CTNNA2: variants seen among roughly 807,000 people sequenced by gnomAD.
CTNNA2 encodes catenin alpha 2, also known as catenin alpha-2.
In CTNNA2, 42 loss-of-function variants were observed where a neutral mutation model predicts 101.0. That is an observed-to-expected ratio of 0.42 (90% CI 0.32 to 0.54). The LOEUF (loss-of-function observed/expected upper bound fraction) is 0.54. CTNNA2 is among the 20% of genes least tolerant of loss of function. The probability of loss-of-function intolerance (pLI) is 0.14; values close to 1 mark genes in which losing one functional copy is unlikely to be tolerated. For synonymous variants in CTNNA2, 450 were observed against 456.4 expected, an observed-to-expected ratio of 0.99 and a Z score of 0.18; for missense variants, 871 against 1,223.1, an observed-to-expected ratio of 0.71 and a Z score of 4.29.
chr2:79,750,731 G>A (rs1397934970), intron 3 of CTNNA2, among the ~76,000 whole-genome samples: 1 of 151,954 alleles, frequency 6.6e-6, no homozygotes, highest in Non-Finnish European at 1.5e-5. Flanking sequence ...CACAACCAGG[G>A]GTTGTGGCAG....
chr2:80,062,654 G>T (rs980392235), intron 7 of CTNNA2, among the ~76,000 whole-genome samples: 1 of 151,496 alleles, frequency 6.6e-6, no homozygotes, highest in Non-Finnish European at 1.5e-5. Flanking sequence ...TTTGTAGACT[G>T]GCCCTTGCTT....
chr2:80,329,743 A>G (rs1671152772), intron 7 of CTNNA2, among the ~76,000 whole-genome samples: 1 of 152,202 alleles, frequency 6.6e-6, no homozygotes, highest in South Asian at 2.1e-4. Flanking sequence ...TGTGTGAGGT[A>G]AAAGGGCATG....
At chr2:79,186,401 C>G (rs1209252725) in intron 1 of CTNNA2, among the ~76,000 whole-genome samples, 1 of 152,188 alleles carries the variant, frequency 6.6e-6, no homozygotes, top group Non-Finnish European at 1.5e-5. Flanking sequence ...GAGATGAGCA[C>G]TCTACTTTTC....
intron 2 of CTNNA2, among the ~76,000 whole-genome samples, chr2:79,679,362 C>G (rs533632698): frequency 1.3e-5 from 2 of 152,100 alleles, no homozygotes; most frequent in Non-Finnish European, 2.9e-5. Flanking sequence ...CATTGGTGGG[C>G]GGGTTGGCAT....
intron 4 of CTNNA2, among the ~76,000 whole-genome samples, chr2:79,376,992 T>C (rs1677985608): frequency 1.3e-5 from 2 of 152,064 alleles, no homozygotes; most frequent in East Asian, 1.9e-4. Flanking sequence ...ATCCTTTGGG[T>C]ATATACCCAG....
intron 7 of CTNNA2, among the ~76,000 whole-genome samples, chr2:80,360,162 A>G (rs1394673274): frequency 6.6e-6 from 1 of 152,134 alleles, no homozygotes; most frequent in African/African-American, 2.4e-5. Context: ...AGGTAGTGAA[A>G]CAAAATATTT....
intron 2 of CTNNA2, among the ~76,000 whole-genome samples, chr2:79,296,505 C>T (rs534027957): frequency 1.3e-5 from 2 of 152,192 alleles, no homozygotes; most frequent in African/African-American, 4.8e-5. Flanking sequence ...TTTTACAGCT[C>T]TCATTTGTGC....
In CTNNA2 at chr2:79,916,494, C is replaced by T. The variant is rs142893607; in HGVS notation, c.1056+6697C>T. 3.2e-3 allele frequency among the ~76,000 whole-genome samples: 471 copies of T among 145,536 alleles called. 6 individuals carry two copies. The highest frequency in any genetic ancestry group is 0.011 in the African/African-American group (429 of 39,134). ...ACTTCCCATGCAAAACTTTTGCTTC[C>T]TTGAACAGAGTTTTCTAATTCTTCC... On this transcript the variant is annotated intron_variant, in intron 7 of 18. Coordinates refer to ENST00000402739, the MANE Select transcript of CTNNA2 (RefSeq NM_001282597.3).
rs945046536 is a variant in CTNNA2 at position 79,874,176 on chromosome 2, G to A, written c.686G>A (p.Arg229His). 7 of 1,614,148 alleles carry A rather than the reference G, an allele frequency of 4.3e-6. No homozygotes were observed. The South Asian group carries it at 4.4e-5, about 10-fold the overall frequency. ...MLYTASQAFL[R>H]HPDVAATRAN... is the part of the protein sequence containing the mutation. ...TACACGGCCTCTCAAGCATTTCTCC[G>A]CCACCCAGATGTCGCCGCTACGAGA... Residue 229 changes from arginine to histidine, a missense_variant, in exon 6 of 19, where the codon CGC becomes CAC. By Grantham distance (29) the Arg-to-His change is conservative. Transcript: ENST00000402739.
At chr2:79,480,857 G>GT (rs1196359225) in intron 4 of CTNNA2, among the ~76,000 whole-genome samples, 12 of 151,724 alleles carry the variant, frequency 7.9e-5, no homozygotes, top group Non-Finnish European at 5.9e-5. Context: ...CATTAATCTT[G>GT]TTTTTTTGAG....
intron 4 of CTNNA2, among the ~76,000 whole-genome samples, chr2:79,473,189 C>A (rs988477276): frequency 2.0e-5 from 3 of 152,140 alleles, no homozygotes; most frequent in Non-Finnish European, 2.9e-5. Flanking sequence ...TTTAAAAGTT[C>A]TTTTTATAAC....
intron 3 of CTNNA2, among the ~76,000 whole-genome samples, chr2:79,751,614 A>AAAAAG (rs1558897801): frequency 7.1e-6 from 1 of 141,376 alleles, no homozygotes; most frequent in African/African-American, 2.8e-5. Context: ...AAAAAAAAAA[A>AAAAAG]AGAAAGAAAG....
At chr2:79,779,983 T>A (rs1312573421) in intron 3 of CTNNA2, among the ~76,000 whole-genome samples, 1 of 152,132 alleles carries the variant, frequency 6.6e-6, no homozygotes, top group Non-Finnish European at 1.5e-5. Context: ...TAAGAGACAC[T>A]TACAATCTAT....
At chr2:79,803,263 C>T (rs1017849044) in intron 3 of CTNNA2, among the ~76,000 whole-genome samples, 1 of 152,184 alleles carries the variant, frequency 6.6e-6, no homozygotes, top group Non-Finnish European at 1.5e-5. Context: ...GACCCTAACC[C>T]AGCGGCGCTA....
At chr2:79,599,504 T>A (rs534027242) in intron 1 of CTNNA2, among the ~76,000 whole-genome samples, 31 of 152,208 alleles carry the variant, frequency 2.0e-4, no homozygotes, top group Non-Finnish European at 3.7e-4. Context: ...CTGTGGCCTA[T>A]TAATTTTATG....
Position 80,648,029 on chromosome 2 carries a change from A to G in CTNNA2, c.*157A>G. The G allele has an allele frequency of 1.5e-6, 1 of 645,904 alleles. No homozygotes were observed. Among genetic ancestry groups the G allele is most frequent in the Non-Finnish European group, 2.6e-6 (1 of 388,284 alleles). The allele number at this position is 645,904 out of a possible 1,614,324, so 40.0% of individuals were successfully genotyped here. A position where few individuals can be genotyped will look rare whatever the true frequency, so the allele number is the denominator to read the frequency against. On this transcript the variant is annotated 3_prime_UTR_variant, in exon 19 of 19. Transcript: ENST00000402739. ...TTGCATGTAAGATGAGATGAGATCA[A>G]TACTACTGATCCATCTGTAGCCTGG... is the stretch of plus-strand genomic sequence containing the variant.
chr2:80,212,740 G>A (rs1707983484), intron 7 of CTNNA2, among the ~76,000 whole-genome samples: 1 of 152,218 alleles, frequency 6.6e-6, no homozygotes. Context: ...CATAGAATGA[G>A]TTAGGCAGGA....
intron 2 of CTNNA2, among the ~76,000 whole-genome samples, chr2:79,251,659 C>T (rs1458466262): frequency 1.3e-5 from 2 of 152,070 alleles, no homozygotes; most frequent in Non-Finnish European, 2.9e-5. Context: ...TGGTAAAGAA[C>T]CGATGAAGAC....
rs1002220615 is a variant in CTNNA2, at chr2:79,685,263, A to G, written c.102+33605A>G. Among the ~76,000 whole-genome samples, 3 of 152,342 alleles carry G rather than the reference A, an allele frequency of 2.0e-5. No homozygotes were observed. In the East Asian group the frequency reaches 5.8e-4, roughly 29 times the overall value. On this transcript the variant is annotated intron_variant, in intron 2 of 18. Coordinates refer to ENST00000402739, the MANE Select transcript of CTNNA2 (RefSeq NM_001282597.3). ...CATTCATTCACTTACTAATTTATGT[A>G]TCATTGAACAAATATGAATCGTGCC...
Sources: gnomAD v4.1 joint callset for allele counts (sites outside exome capture counted in the v4.1 genomes callset) on GRCh38, gnomAD v4.1.1 for gene constraint, MANE v1.5 for transcripts, NCBI Gene and HGNC (gene_info 2026-07-23, HGNC 2026-07-21) for gene names.